The following TYW1B variants were observed in gnomAD, a reference collection of about 807,000 sequenced individuals.
TYW1B encodes the protein S-adenosyl-L-methionine-dependent tRNA 4-demethylwyosine synthase TYW1B.
In TYW1B, 73 loss-of-function variants were observed where a neutral mutation model predicts 86.9. The ratio of observed to expected loss-of-function variants is 0.84; its 90% CI spans 0.70 to 1.02. TYW1B has a LOEUF of 1.02. TYW1B is among the 50% of genes least tolerant of loss of function. The pLI, the probability that TYW1B is intolerant of heterozygous loss-of-function variation, is 0.00. For synonymous variants in TYW1B, 248 were observed against 292.8 expected, an observed-to-expected ratio of 0.85 and a Z score of 1.56; for missense variants, 637 against 827.4, an observed-to-expected ratio of 0.77 and a Z score of 2.82.
At chr7:72,822,162 CAAAAAA>C (rs782637112) in intron 2 of TYW1B, among the ~76,000 whole-genome samples, 1 of 36,388 alleles carries the variant, frequency 2.7e-5, no homozygotes, top group African/African-American at 1.1e-4. Context: ...GACCCTGTCT[CAAAAAA>C]AAAAAAAAAA....
rs1476806224 is a variant in TYW1B, at chr7:72,700,939, C to T, written c.1371-6117G>A. On this transcript the variant is annotated intron_variant, in intron 10 of 13. Transcript: ENST00000620995. ...AAAATTAGCCAGGAGTGCCACATGCCTCTAATCCCAGCTGCTCAGGAGGCT... is the reference window on the plus strand; with the variant it reads ...AAAATTAGCCAGGAGTGCCACATGCTTCTAATCCCAGCTGCTCAGGAGGCT... 2.0e-5 allele frequency among the ~76,000 whole-genome samples: 3 copies of T among 152,016 alleles called. No individual in the cohort carries two copies. The East Asian group carries it at 5.8e-4, about 29-fold the overall frequency.
intron 7 of TYW1B, among the ~76,000 whole-genome samples, chr7:72,760,024 T>C (rs1554466938): frequency 6.6e-6 from 1 of 152,166 alleles, no homozygotes; most frequent in African/African-American, 2.4e-5. Flanking sequence ...AAAAAAATCT[T>C]GCTTTTTCCG....
At chr7:72,728,425 G>A (rs1282291691) in intron 9 of TYW1B, among the ~76,000 whole-genome samples, 1 of 152,092 alleles carries the variant, frequency 6.6e-6, no homozygotes, top group Non-Finnish European at 1.5e-5. Context: ...TCCTGCCTCA[G>A]CCTCCCAAGT....
At chr7:72,726,422 A>G (rs3015855) in intron 9 of TYW1B, among the ~76,000 whole-genome samples, 104,431 of 150,342 alleles carry the variant, frequency 0.69, 37,114 homozygotes, top group Non-Finnish European at 0.77. Flanking sequence ...GTCCAGTGGC[A>G]TGTGAACTCA....
intron 11 of TYW1B, among the ~76,000 whole-genome samples, chr7:72,637,438 A>ATCC (rs568753792): frequency 0.12 from 17,289 of 147,270 alleles, 1,156 homozygotes; most frequent in African/African-American, 0.18. Flanking sequence ...AATTCAAAAT[A>ATCC]TCCTATCTTT....
In TYW1B at chr7:72,594,402, C is replaced by A. The variant is rs555958334; in HGVS notation, c.1786-18683G>T. Reference sequence around the variant, plus strand: ...AATGGTACGCCAACAAATGGATAACCTAGATGAAATAGACAAATTCCTAGA... The same window carrying A: ...AATGGTACGCCAACAAATGGATAACATAGATGAAATAGACAAATTCCTAGA... On this transcript the variant is annotated intron_variant, in intron 13 of 13. Coordinates refer to ENST00000620995, the MANE Select transcript of TYW1B (RefSeq NM_001145440.3). Among the ~76,000 whole-genome samples, 4 of 148,920 alleles carry A rather than the reference C, an allele frequency of 2.7e-5. No homozygotes were observed. The South Asian group carries it at 8.5e-4, about 32-fold the overall frequency.
intron 11 of TYW1B, among the ~76,000 whole-genome samples, chr7:72,675,164 C>T (rs1431688633): frequency 2.2e-4 from 34 of 151,812 alleles, no homozygotes; most frequent in African/African-American, 8.0e-4. Context: ...TTTGGGAGGC[C>T]GGGGTGGGTG....
chr7:72,663,440 T>C (rs1436341757), intron 11 of TYW1B, among the ~76,000 whole-genome samples: 4 of 151,886 alleles, frequency 2.6e-5, no homozygotes, highest in African/African-American at 4.8e-5. Flanking sequence ...AAATCCATGA[T>C]CTATGTGACC....
intron 8 of TYW1B, among the ~76,000 whole-genome samples, chr7:72,737,266 T>G (rs781977000): frequency 6.6e-6 from 1 of 152,228 alleles, no homozygotes; most frequent in East Asian, 1.9e-4. Flanking sequence ...TGGAAACAGA[T>G]GGCAAATTCT....
chr7:72,657,167 A>T lies in TYW1B; in HGVS notation c.1507-28170T>A, dbSNP rs548277974. Reference sequence around the variant, plus strand: ...ATACAGATATCCTAAAATAGAACCAAATCAGAAATCTTGGAACAGAAGAAT... The same window carrying T: ...ATACAGATATCCTAAAATAGAACCATATCAGAAATCTTGGAACAGAAGAAT... On this transcript the variant is annotated intron_variant, in intron 11 of 13. Coordinates refer to ENST00000620995, the MANE Select transcript of TYW1B (RefSeq NM_001145440.3). 5.4e-3 allele frequency among the ~76,000 whole-genome samples: 824 copies of T among 152,334 alleles called. 10 individuals are homozygous for T. Among genetic ancestry groups the T allele is most frequent in the African/African-American group, 0.019 (772 of 41,574 alleles).
In TYW1B at chr7:72,723,236, G is replaced by C. The variant is rs543995019; in HGVS notation, c.1192+5586C>G. ...CCTTTCCCCTGGTCCCCTGTCCCTG[G>C]GGTTATTTGTTAAAAAAAGAGTAAT... On this transcript the variant is annotated intron_variant, in intron 9 of 13. Coordinates refer to ENST00000620995, the MANE Select transcript of TYW1B (RefSeq NM_001145440.3). The C allele has an allele frequency of 1.4e-3, 502 of 351,034 alleles. 1 individual carries two copies. The highest frequency in any genetic ancestry group is 8.7e-3 in the African/African-American group (409 of 47,064). 21.7% of individuals were successfully genotyped at this position (351,034 alleles called of 1,614,324 possible).
chr7:72,645,154 A>G (rs1193279578), intron 11 of TYW1B, among the ~76,000 whole-genome samples: 1 of 152,114 alleles, frequency 6.6e-6, no homozygotes, highest in African/African-American at 2.4e-5. Context: ...GATAAAATGC[A>G]CTCACCAGAT....
At chr7:72,620,932 G>T (rs1395582714) in intron 12 of TYW1B, among the ~76,000 whole-genome samples, 1 of 152,192 alleles carries the variant, frequency 6.6e-6, no homozygotes, top group African/African-American at 2.4e-5. Flanking sequence ...GTGAAGAACA[G>T]GATCATTTAT....
At chr7:72,670,003 T>C (rs1813558783) in intron 11 of TYW1B, among the ~76,000 whole-genome samples, 1 of 152,074 alleles carries the variant, frequency 6.6e-6, no homozygotes, top group African/African-American at 2.4e-5. Context: ...TGGTGGCACA[T>C]GCCTGTAGTC....
intron 3 of TYW1B, among the ~76,000 whole-genome samples, chr7:72,812,139 G>GTT (rs34945951): frequency 1.4e-3 from 212 of 146,538 alleles, no homozygotes; most frequent in Non-Finnish European, 2.0e-3. Context: ...TTTTAGAGGT[G>GTT]TTTTTTTTTT....
intron 2 of TYW1B, among the ~76,000 whole-genome samples, chr7:72,823,822 C>T (rs1788878013): frequency 6.6e-6 from 1 of 151,954 alleles, no homozygotes; most frequent in East Asian, 1.9e-4. Context: ...GTTGATAAAT[C>T]TAGAAACACA....
intron 10 of TYW1B, among the ~76,000 whole-genome samples, chr7:72,709,613 A>G (rs1814700604): frequency 6.6e-6 from 1 of 152,134 alleles, no homozygotes; most frequent in Non-Finnish European, 1.5e-5. Flanking sequence ...GCTTGTAGTG[A>G]GCCGAGATGG....
intron 11 of TYW1B, among the ~76,000 whole-genome samples, chr7:72,643,988 T>C (rs1336609034): frequency 3.9e-5 from 6 of 152,108 alleles, no homozygotes; most frequent in Non-Finnish European, 8.8e-5. Context: ...AATGGAAACA[T>C]CTTTTAAATA....
At chr7:72,659,223 G>C (rs868957812) in intron 11 of TYW1B, among the ~76,000 whole-genome samples, 17 of 152,328 alleles carry the variant, frequency 1.1e-4, no homozygotes, top group African/African-American at 3.8e-4. Flanking sequence ...AGGAAGGCAG[G>C]CTTCAGAACA....
Sources: gnomAD v4.1 joint callset for allele counts (sites outside exome capture counted in the v4.1 genomes callset) on GRCh38, gnomAD v4.1.1 for gene constraint, MANE v1.5 for transcripts, NCBI Gene and HGNC (gene_info 2026-07-23, HGNC 2026-07-21) for gene names.